SCEL: variants seen among roughly 807,000 people sequenced by gnomAD.
SCEL encodes the protein sciellin.
In SCEL, 113 loss-of-function variants were observed where a neutral mutation model predicts 117.6. The ratio of observed to expected loss-of-function variants is 0.96; its 90% confidence interval spans 0.83 to 1.12. The LOEUF (loss-of-function observed/expected upper bound fraction) is 1.12. Among genes scored for constraint, SCEL ranks in the 50% most tolerant of loss-of-function variants. SCEL has a pLI of 0.00. For synonymous variants in SCEL, 270 were observed against 256.2 expected (o/e 1.05, Z -0.51); for missense variants, 785 against 810.8 (o/e 0.97, Z 0.39).
chr13:77,573,013 A>T (rs2085730524), intron 9 of SCEL, among the ~76,000 whole-genome samples: 1 of 152,220 alleles, frequency 6.6e-6, no homozygotes. Context: ...CAAGTTGTTC[A>T]TAAACGTTAA....
chr13:77,588,796 A>C (rs10507867), intron 9 of SCEL, among the ~76,000 whole-genome samples: 1 of 152,082 alleles, frequency 6.6e-6, no homozygotes, highest in Non-Finnish European at 1.5e-5. Context: ...ATACCCAAGG[A>C]CCATTTACAG....
intron 9 of SCEL, among the ~76,000 whole-genome samples, chr13:77,574,283 A>T (rs890981654): frequency 3.9e-5 from 6 of 152,150 alleles, no homozygotes. Flanking sequence ...CTCCCTCACA[A>T]TTTATGCACT....
At chr13:77,612,624 A>T (rs1021663962) in intron 22 of SCEL, among the ~76,000 whole-genome samples, 1 of 151,804 alleles carries the variant, frequency 6.6e-6, no homozygotes, top group Non-Finnish European at 1.5e-5. Flanking sequence ...CCACACAGAT[A>T]AAGTATGTAA....
intron 8 of SCEL, among the ~76,000 whole-genome samples, chr13:77,571,387 A>T (rs1041046433): frequency 6.9e-6 from 1 of 144,722 alleles, no homozygotes; most frequent in Non-Finnish European, 1.5e-5. Context: ...TCAAAAAAAA[A>T]AAAAAAAATT....
chr13:77,557,833 A>G (rs781379649), intron 3 of SCEL, among the ~76,000 whole-genome samples: 1 of 152,252 alleles, frequency 6.6e-6, no homozygotes, highest in Non-Finnish European at 1.5e-5. Flanking sequence ...GCAGTTGGGA[A>G]ATCCTGCATT....
intron 21 of SCEL, among the ~76,000 whole-genome samples, 164 bp from the exon 22 acceptor site, chr13:77,609,883 A>G (rs976498228): frequency 6.6e-6 from 1 of 152,146 alleles, no homozygotes; most frequent in African/African-American, 2.4e-5. Context: ...AGGTCCCTAT[A>G]TGTATATTCA....
At chr13:77,595,935 G>A (rs1464847413) in intron 12 of SCEL, among the ~76,000 whole-genome samples, 1 of 152,184 alleles carries the variant, frequency 6.6e-6, no homozygotes, top group Non-Finnish European at 1.5e-5. Flanking sequence ...GTGTCATCGT[G>A]CCAGGCATCT....
intron 3 of SCEL, among the ~76,000 whole-genome samples, chr13:77,558,539 C>T (rs751715595): frequency 2.0e-4 from 31 of 152,024 alleles, no homozygotes; most frequent in Non-Finnish European, 4.0e-4. Flanking sequence ...GGAGGCCGGG[C>T]GTGGTGGATC....
At chr13:77,560,842 G>A (rs2084938673) in intron 4 of SCEL, among the ~76,000 whole-genome samples, 2 of 152,122 alleles carry the variant, frequency 1.3e-5, no homozygotes, top group Admixed American at 1.3e-4. Context: ...AATTAGAAAG[G>A]GAGTGTGAAT....
chr13:77,587,028 TC>T (rs571885930), intron 9 of SCEL, among the ~76,000 whole-genome samples: 73 of 152,082 alleles, frequency 4.8e-4, no homozygotes, highest in African/African-American at 1.8e-3. Context: ...GTTTCCTGGG[TC>T]CACTTACTCT....
chr13:77,626,367 C>T (rs2089730740), intron 27 of SCEL, among the ~76,000 whole-genome samples: 1 of 152,182 alleles, frequency 6.6e-6, no homozygotes, highest in Non-Finnish European at 1.5e-5. Flanking sequence ...CAAACCATAT[C>T]ATTGTGCCAT....
chr13:77,592,599 C>T (rs2086939351), intron 11 of SCEL, among the ~76,000 whole-genome samples: 1 of 146,924 alleles, frequency 6.8e-6, no homozygotes. Context: ...TGCTCTGTCA[C>T]CCAGGCTGGA....
Position 77,609,524 on chromosome 13 carries a change from T to C in SCEL, c.1277+407T>C, listed in dbSNP as rs140882308. Among the ~76,000 whole-genome samples the C allele has an allele frequency of 2.1e-3, 321 of 152,320 alleles. 2 individuals carry two copies. Among genetic ancestry groups the C allele is most frequent in the Admixed American group, 8.2e-3 (125 of 15,300 alleles). On this transcript the variant is annotated intron_variant, in intron 21 of 32. Coordinates refer to ENST00000349847, the MANE Select transcript of SCEL (RefSeq NM_144777.3). ...CTGTTTGGGCTTCAGTTTCTCATCC[T>C]CAAAGTGAGGAAATTGCACGAGGAG...
In SCEL at chr13:77,644,331, T is replaced by A; in HGVS notation, c.*57T>A. 6.5e-7 allele frequency: 1 copy of A among 1,543,628 alleles called. No individual in the cohort carries two copies. The highest frequency in any genetic ancestry group is 1.1e-5 in the South Asian group (1 of 87,876). ...CTCATTAAGGAATTAAAGTTACAAG[T>A]TTTATCTTAATAATATGTAATCTAG... On this transcript the variant is annotated 3_prime_UTR_variant, in exon 33 of 33. Coordinates refer to ENST00000349847, the MANE Select transcript of SCEL (RefSeq NM_144777.3).
At chr13:77,576,266 CTT>C (rs1014754538) in intron 9 of SCEL, among the ~76,000 whole-genome samples, 1 of 152,152 alleles carries the variant, frequency 6.6e-6, no homozygotes, top group Non-Finnish European at 1.5e-5. Context: ...ACCACTGACT[CTT>C]TATGCCCTTA....
intron 9 of SCEL, among the ~76,000 whole-genome samples, chr13:77,584,194 A>T (rs982014681): frequency 4.0e-4 from 61 of 152,144 alleles, no homozygotes; most frequent in Non-Finnish European, 1.3e-4. Flanking sequence ...TTCTGGCCAC[A>T]GCTTCCTGCC....
chr13:77,616,868 G>T (rs1484306922), intron 24 of SCEL, among the ~76,000 whole-genome samples: 1 of 151,504 alleles, frequency 6.6e-6, no homozygotes, highest in South Asian at 2.1e-4. Flanking sequence ...TGTCAGTTCT[G>T]CAGTCTCTTG....
chr13:77,562,475 G>A (rs1166438068), intron 4 of SCEL, among the ~76,000 whole-genome samples: 1 of 152,070 alleles, frequency 6.6e-6, no homozygotes, highest in South Asian at 2.1e-4. Flanking sequence ...ATTCGAAAAT[G>A]TTCACATCTA....
intron 15 of SCEL, among the ~76,000 whole-genome samples, chr13:77,600,301 G>A (rs1594078828): frequency 6.6e-6 from 1 of 151,886 alleles, no homozygotes; most frequent in African/African-American, 2.4e-5. Context: ...GCTAATTTTT[G>A]TATTTTTAGT....
Sources: allele counts gnomAD v4.1 joint callset (sites outside exome capture counted in the v4.1 genomes callset), GRCh38; gene constraint gnomAD v4.1.1; transcripts MANE v1.5; gene names NCBI Gene and HGNC (gene_info 2026-07-23, HGNC 2026-07-21).